Variants in MYOM1 observed in about 807,000 individuals in gnomAD.
MYOM1 encodes myomesin 1.
A neutral mutation model predicts 205.3 loss-of-function variants in MYOM1; 164 were observed. The ratio of observed to expected loss-of-function variants is 0.80; its 90% CI spans 0.70 to 0.91. MYOM1 has a LOEUF of 0.91. Ranked by LOEUF, MYOM1 falls within the 40% of genes least tolerant of loss-of-function variation. MYOM1 has a pLI of 0.00. For synonymous variants in MYOM1, 772 were observed against 789.4 expected (o/e 0.98, Z 0.37); for missense variants, 2,011 against 2,127.3 (o/e 0.95, Z 1.08).
chr18:3,232,329 T>C, the MYOM1 span, among the ~76,000 whole-genome samples: 1 of 149,630 alleles, frequency 6.7e-6, no homozygotes, highest in African/African-American at 2.5e-5. Context: ...GACTCCATCA[T>C]GGAAAAAAAA....
chr18:3,207,614 T>A (rs775247219), intron 2 of MYOM1, among the ~76,000 whole-genome samples: 5 of 152,210 alleles, frequency 3.3e-5, no homozygotes, highest in Non-Finnish European at 7.4e-5. Flanking sequence ...CTCAAGCCTG[T>A]TGCAAAGGCA....
intron 34 of MYOM1, among the ~76,000 whole-genome samples, chr18:3,077,369 G>A (rs185410222): frequency 4.6e-5 from 7 of 152,186 alleles, no homozygotes; most frequent in Middle Eastern, 3.4e-3. Flanking sequence ...CTCCTCAGTG[G>A]TCTAGGAATC....
intron 18 of MYOM1, among the ~76,000 whole-genome samples, chr18:3,127,300 TATATA>T (rs1185568710): frequency 2.6e-3 from 133 of 51,582 alleles, no homozygotes; most frequent in African/African-American, 0.011. Flanking sequence ...TATATATATA[TATATA>T]TTTTTTTTTT....
At chr18:3,143,990 A>C (rs1354741286) in intron 13 of MYOM1, among the ~76,000 whole-genome samples, 1 of 151,828 alleles carries the variant, frequency 6.6e-6, no homozygotes, top group Non-Finnish European at 1.5e-5. Context: ...GTGGATCACA[A>C]GGTCAGGAGA....
At chr18:3,177,340 A>C (rs1490755429) in intron 5 of MYOM1, among the ~76,000 whole-genome samples, 1 of 152,056 alleles carries the variant, frequency 6.6e-6, no homozygotes, top group Non-Finnish European at 1.5e-5. Context: ...TTGATGTAAC[A>C]GAGAGGAAGG....
rs553098742 is a variant in MYOM1 at position 3,215,334 on chromosome 18, C to T, written c.-28-83G>A. ...GTCATCTAAATCAATGTGTAAAAAT[C>T]AATACTCTTGGCTGGGTGCGGTGGT... is the stretch of plus-strand genomic sequence containing the variant. On this transcript the variant is annotated intron_variant, in intron 1 of 37. Coordinates refer to ENST00000356443, the MANE Select transcript of MYOM1 (RefSeq NM_003803.4). The T allele has an allele frequency of 5.0e-5, 57 of 1,131,506 alleles. No homozygotes were observed. In the African/African-American group the frequency reaches 7.7e-4, roughly 15 times the overall value. The allele number at this position is 1,131,506 out of a possible 1,614,324, so 70.1% of individuals were successfully genotyped here.
intron 21 of MYOM1, among the ~76,000 whole-genome samples, chr18:3,113,298 CTATATA>C (rs70964105): frequency 0.015 from 2,126 of 145,210 alleles, 54 homozygotes; most frequent in African/African-American, 0.053. Flanking sequence ...GTGTTTGTGT[CTATATA>C]TATATATATA....
At position 3,215,038 on chromosome 18, in the gene MYOM1, ACGGAAGGCCTCGGACTCCCGG is replaced by A; in HGVS notation, c.165_185del (p.Glu57_Arg63del). 1 of 1,612,800 alleles carries A rather than the reference ACGGAAGGCCTCGGACTCCCGG, an allele frequency of 6.2e-7. No homozygotes were observed. The highest frequency in any genetic ancestry group is 8.5e-7 in the Non-Finnish European group (1 of 1,179,468). The stretch of plus-strand genomic sequence containing the variant: ...GCTGGGAGGAGGAGGCGGACGCCCG[ACGGAAGGCCTCGGACTCCCGG>A]CGGTGCGCGGCGGAGGAGCGGCTGC... On this transcript the variant is annotated inframe_deletion, in exon 2 of 38. Coordinates refer to ENST00000356443, the MANE Select transcript of MYOM1 (RefSeq NM_003803.4).
chr18:3,124,390 C>T (rs2079746812), intron 19 of MYOM1, among the ~76,000 whole-genome samples: 1 of 150,122 alleles, frequency 6.7e-6, no homozygotes, highest in South Asian at 2.1e-4. Flanking sequence ...GCAAGCTCCG[C>T]CTCCCAGGTT....
chr18:3,114,569 T>TTA (rs1349795714), intron 21 of MYOM1, among the ~76,000 whole-genome samples: 24 of 132,070 alleles, frequency 1.8e-4, no homozygotes, highest in African/African-American at 6.5e-4. Context: ...TTTTTTTTTT[T>TTA]AGAGACAGGG....
chr18:3,242,003 T>G, the MYOM1 span, among the ~76,000 whole-genome samples: 1 of 152,226 alleles, frequency 6.6e-6, no homozygotes, highest in Admixed American at 6.5e-5. Flanking sequence ...CCAATGCCTG[T>G]ACCCCCCTTG....
At chr18:3,163,294 T>C (rs1170460522) in intron 10 of MYOM1, among the ~76,000 whole-genome samples, 5 of 152,188 alleles carry the variant, frequency 3.3e-5, no homozygotes, top group Admixed American at 3.3e-4. Flanking sequence ...CTGGTATCAT[T>C]AGGATTTAGC....
chr18:3,231,438 C>A, the MYOM1 span, among the ~76,000 whole-genome samples: 1 of 151,920 alleles, frequency 6.6e-6, no homozygotes, highest in Non-Finnish European at 1.5e-5. Flanking sequence ...ACATTTGGCC[C>A]ATGAAACCCT....
chr18:3,182,913 C>CTTTTTTTTTTTTT (rs549386891), intron 5 of MYOM1, among the ~76,000 whole-genome samples: 9 of 92,300 alleles, frequency 9.8e-5, no homozygotes, highest in Non-Finnish European at 1.6e-4. Context: ...TTTCTTTCTT[C>CTTTTTTTTTTTTT]TTTTTTTTTT....
At chr18:3,132,628 T>C (rs1012525421) in intron 16 of MYOM1, among the ~76,000 whole-genome samples, 2 of 152,136 alleles carry the variant, frequency 1.3e-5, no homozygotes, top group East Asian at 3.8e-4. Context: ...ACTATGGCTG[T>C]AAGGCATTGG....
At chr18:3,168,733 C>A in intron 9 of MYOM1, 84 bp downstream of exon 9, 1 of 1,435,066 alleles carries the variant, frequency 7.0e-7, no homozygotes, top group Non-Finnish European at 9.6e-7. Flanking sequence ...CTTCCAGATT[C>A]CACCAGCTCC....
At position 3,189,682 on chromosome 18, in the gene MYOM1, T is replaced by C. The variant is rs763454990; in HGVS notation, c.432-595A>G. On this transcript the variant is annotated intron_variant, in intron 3 of 37. Transcript: ENST00000356443. This position sits in a 1 kb window ranked among gnomAD's most constrained non-coding sequence, Gnocchi z 4.8. Reference sequence around the variant, plus strand: ...GCCAAGATAAATTATTATTTCTGTTTTAAATATATGGTAACGAAGTTCAGA... The same window carrying C: ...GCCAAGATAAATTATTATTTCTGTTCTAAATATATGGTAACGAAGTTCAGA... Among the ~76,000 whole-genome samples, 4 of 152,206 alleles carry C rather than the reference T, an allele frequency of 2.6e-5. No homozygotes were observed. The highest frequency in any genetic ancestry group is 4.4e-5 in the Non-Finnish European group (3 of 68,042).
chr18:3,152,026 C>T lies in MYOM1; in HGVS notation c.1644-133G>A. Reference sequence around the variant, plus strand: ...TATCCAAGTCAGGCGTGGCTCGCTACCTGGTGAACTGCATGCAGGCACTCC... The same window carrying T: ...TATCCAAGTCAGGCGTGGCTCGCTATCTGGTGAACTGCATGCAGGCACTCC... On this transcript the variant is annotated intron_variant, in intron 11 of 37. Transcript: ENST00000356443. The surrounding 1 kb of genome is among the most constrained non-coding windows in gnomAD (Gnocchi z 4.3). 1.2e-6 allele frequency: 1 copy of T among 834,116 alleles called. No individual in the cohort carries two copies. The highest frequency in any genetic ancestry group is 1.8e-6 in the Non-Finnish European group (1 of 554,416). 51.7% of individuals were successfully genotyped at this position (834,116 alleles called of 1,614,324 possible).
In MYOM1 at chr18:3,069,017, T is replaced by G. The variant is rs548485544; in HGVS notation, c.4765-1462A>C. 8.5e-5 allele frequency among the ~76,000 whole-genome samples: 13 copies of G among 152,304 alleles called. 1 individual carries two copies. In the South Asian group the frequency reaches 2.7e-3, roughly 32 times the overall value. The stretch of plus-strand genomic sequence containing the variant: ...CTTGAACTCCTGGTCTCAAGCAATC[T>G]TCCCATCGTGGCCTCCCAAAGTGCT... On this transcript the variant is annotated intron_variant, in intron 37 of 37. Transcript: ENST00000356443.
Sources: gnomAD v4.1 joint callset for allele counts (sites outside exome capture counted in the v4.1 genomes callset) on GRCh38, gnomAD v4.1.1 for gene constraint, Gnocchi (gnomAD v3.1) non-coding constraint, MANE v1.5 for transcripts, NCBI Gene and HGNC (gene_info 2026-07-23, HGNC 2026-07-21) for gene names.